LYPLAL1: variants seen among roughly 807,000 people sequenced by gnomAD.
LYPLAL1 encodes lysophospholipase-like protein 1.
A neutral mutation model predicts 19.7 loss-of-function variants in LYPLAL1; 23 were observed. The ratio of observed to expected loss-of-function variants is 1.17; its 90% CI spans 0.84 to 1.65. The LOEUF (loss-of-function observed/expected upper bound fraction) is 1.65, where lower values mean the gene tolerates loss of function less well. Among genes scored for constraint, LYPLAL1 ranks in the 40% most tolerant of loss-of-function variants. The probability of loss-of-function intolerance (pLI) is 0.00; values close to 1 mark genes in which losing one functional copy is unlikely to be tolerated. For synonymous variants in LYPLAL1, 119 were observed against 96.3 expected, an observed-to-expected ratio of 1.24 and a Z score of -1.38; for missense variants, 355 against 279.4, an observed-to-expected ratio of 1.27 and a Z score of -1.93.
chr1:219,307,042 G>GTA, the LYPLAL1 span, among the ~76,000 whole-genome samples: 11,826 of 42,372 alleles, frequency 0.28, 533 homozygotes, highest in Non-Finnish European at 0.41. Flanking sequence ...ATATATATAT[G>GTA]TATATATATA....
the LYPLAL1 span, among the ~76,000 whole-genome samples, chr1:219,386,312 G>A: frequency 6.6e-6 from 1 of 152,178 alleles, no homozygotes; most frequent in Non-Finnish European, 1.5e-5. Context: ...TTAAGAGAAA[G>A]TGAACCATTA....
chr1:219,192,611 C>T (rs576518119), intron 2 of LYPLAL1, among the ~76,000 whole-genome samples: 28 of 151,666 alleles, frequency 1.8e-4, no homozygotes, highest in Middle Eastern at 6.8e-3. Context: ...CTGTGTTTGC[C>T]CACAGAAATC....
the LYPLAL1 span, among the ~76,000 whole-genome samples, chr1:219,301,259 A>G: frequency 0.24 from 37,211 of 152,098 alleles, 4,685 homozygotes; most frequent in Admixed American, 0.31. Context: ...ATAAATAAAC[A>G]CATACTTTTC....
At chr1:219,214,028 A>G (rs146117302), downstream of LYPLAL1, among the ~76,000 whole-genome samples, 4 of 152,248 alleles carry the variant, frequency 2.6e-5, no homozygotes, top group East Asian at 7.7e-4. Flanking sequence ...GTAGTGTTTT[A>G]ATACATGTCC....
chr1:219,251,906 A>G, the LYPLAL1 span, among the ~76,000 whole-genome samples: 1 of 152,148 alleles, frequency 6.6e-6, no homozygotes, highest in African/African-American at 2.4e-5. Context: ...TTTCCTATCC[A>G]TGAGCATGAG....
chr1:219,324,452 G>T, the LYPLAL1 span, among the ~76,000 whole-genome samples: 2 of 152,124 alleles, frequency 1.3e-5, no homozygotes, highest in African/African-American at 4.8e-5. Flanking sequence ...AGAACAAAAG[G>T]TAGTGACTCG....
the LYPLAL1 span, among the ~76,000 whole-genome samples, chr1:219,257,951 A>G: frequency 6.6e-6 from 1 of 152,032 alleles, no homozygotes; most frequent in Non-Finnish European, 1.5e-5. Context: ...CCAGGAATGC[A>G]TTCCTTCCCC....
chr1:219,409,563 G>GT, the LYPLAL1 span: 1 of 152,306 alleles, frequency 6.6e-6, no homozygotes, highest in East Asian at 1.9e-4. Context: ...AATTTTTGCT[G>GT]TATCAGTTAA....
chr1:219,364,768 A>C, the LYPLAL1 span, among the ~76,000 whole-genome samples: 30 of 152,288 alleles, frequency 2.0e-4, no homozygotes, highest in African/African-American at 7.2e-4. Context: ...TTGTATTGGA[A>C]TTACATAAAA....
the LYPLAL1 span, among the ~76,000 whole-genome samples, chr1:219,218,861 T>G: frequency 6.6e-6 from 1 of 152,130 alleles, no homozygotes; most frequent in East Asian, 1.9e-4. Flanking sequence ...GAGGCCAACC[T>G]GAAATACTAA....
the LYPLAL1 span, among the ~76,000 whole-genome samples, chr1:219,296,506 G>A: frequency 6.6e-6 from 1 of 152,126 alleles, no homozygotes; most frequent in Non-Finnish European, 1.5e-5. Flanking sequence ...GACACCTGCA[G>A]AGGGAATTAT....
the LYPLAL1 span, among the ~76,000 whole-genome samples, chr1:219,256,196 C>T: frequency 2.0e-5 from 3 of 151,654 alleles, no homozygotes; most frequent in Non-Finnish European, 2.9e-5. Flanking sequence ...TATCTTTTTG[C>T]GGAGATTATT....
the LYPLAL1 span, among the ~76,000 whole-genome samples, chr1:219,334,728 T>C: frequency 4.6e-5 from 7 of 151,956 alleles, no homozygotes; most frequent in Non-Finnish European, 1.0e-4. Context: ...AATCAAAAAC[T>C]TAAAGTTTTG....
the LYPLAL1 span, among the ~76,000 whole-genome samples, chr1:219,256,663 C>T: frequency 2.0e-5 from 3 of 152,050 alleles, no homozygotes; most frequent in South Asian, 2.1e-4. Context: ...TTTGTTTAGA[C>T]GGATATTCAG....
chr1:219,406,009 C>A, the LYPLAL1 span, among the ~76,000 whole-genome samples: 1 of 152,184 alleles, frequency 6.6e-6, no homozygotes, highest in African/African-American at 2.4e-5. Flanking sequence ...ACCTATTTTT[C>A]TTGACAGTCC....
At chr1:219,400,470 C>CCTAT in the LYPLAL1 span, among the ~76,000 whole-genome samples, 4 of 151,748 alleles carry the variant, frequency 2.6e-5, no homozygotes, top group African/African-American at 4.8e-5. Context: ...AGCTGTGTGC[C>CCTAT]CTATCTATCT....
the LYPLAL1 span, among the ~76,000 whole-genome samples, chr1:219,437,405 C>T: frequency 3.9e-5 from 6 of 152,120 alleles, no homozygotes; most frequent in African/African-American, 1.4e-4. Flanking sequence ...AAATCTTCCA[C>T]GTCTTCTTCA....
the LYPLAL1 span, chr1:219,222,769 A>T: frequency 2.6e-5 from 4 of 152,158 alleles, no homozygotes; most frequent in African/African-American, 9.7e-5. Context: ...TCATTAATTG[A>T]TAAGGAAGTC....
chr1:219,439,416 C>T, the LYPLAL1 span, among the ~76,000 whole-genome samples: 1 of 152,252 alleles, frequency 6.6e-6, no homozygotes, highest in African/African-American at 2.4e-5. Flanking sequence ...CAAATCCTGC[C>T]TCTTCCATGA....
Sources: allele counts gnomAD v4.1 joint callset (sites outside exome capture counted in the v4.1 genomes callset), GRCh38; gene constraint gnomAD v4.1.1; transcripts MANE v1.5; gene names NCBI Gene and HGNC (gene_info 2026-07-23, HGNC 2026-07-21).